The following GABBR2 variants were observed in gnomAD, a reference collection of about 807,000 sequenced individuals.
GABBR2 encodes the protein G-protein coupled receptor 51.
In GABBR2, 23 loss-of-function variants were observed where a neutral mutation model predicts 105.6. The ratio of observed to expected loss-of-function variants is 0.22; its 90% CI spans 0.16 to 0.31. The LOEUF (loss-of-function observed/expected upper bound fraction) is 0.31, where lower values mean the gene tolerates loss of function less well. Ranked by LOEUF, GABBR2 falls within the 10% of genes least tolerant of loss-of-function variation. The probability of loss-of-function intolerance (pLI) is 1.00; values close to 1 mark genes in which losing one functional copy is unlikely to be tolerated. For synonymous variants in GABBR2, 478 were observed against 499.7 expected, an observed-to-expected ratio of 0.96 and a Z score of 0.58; for missense variants, 734 against 1,245.5, an observed-to-expected ratio of 0.59 and a Z score of 6.18.
In GABBR2 at chr9:98,708,708, G is replaced by T; in HGVS notation, c.30C>A (p.Pro10=). ...GCGGTGGCGGCGGCGGCGGCGGCCC[G>T]GGCTGCCCGGAGCTCCGCGGGGAAG... The part of the protein sequence containing the change: MASPRSSGQ[P]GPPPPPPPPP... The change falls in exon 1 of 19, where the codon CCC becomes CCA. Residue 10 remains proline, a synonymous_variant. Coordinates refer to ENST00000259455, the MANE Select transcript of GABBR2 (RefSeq NM_005458.8). 1.0e-6 allele frequency: 1 copy of T among 997,816 alleles called. No individual in the cohort carries two copies. The allele number at this position is 997,816 out of a possible 1,614,324, so 61.8% of individuals were successfully genotyped here. A position where few individuals can be genotyped will look rare whatever the true frequency, so the allele number is the denominator to read the frequency against.
At chr9:98,474,962 T>G (rs1455913458) in intron 5 of GABBR2, among the ~76,000 whole-genome samples, 1 of 152,036 alleles carries the variant, frequency 6.6e-6, no homozygotes, top group Non-Finnish European at 1.5e-5. Context: ...AGTTAAAAGA[T>G]TTGTTCCTTG....
intron 13 of GABBR2, among the ~76,000 whole-genome samples, chr9:98,348,641 T>C (rs1268563513): frequency 3.1e-4 from 47 of 152,310 alleles, no homozygotes. Flanking sequence ...ATTGTAGAGG[T>C]CTTTCACTTC....
rs181096056 is a variant in GABBR2, at chr9:98,330,163, A to G, written c.1894-18958T>C. 1.4e-3 allele frequency among the ~76,000 whole-genome samples: 209 copies of G among 152,146 alleles called. 1 individual carries two copies. The highest frequency in any genetic ancestry group is 7.4e-4 in the Non-Finnish European group (50 of 68,004). The stretch of plus-strand genomic sequence containing the variant: ...ATCGGCAAGCTGCCAGACCCAACCA[A>G]TTCTTGAACTCTTCTCCAGATACAC... On this transcript the variant is annotated intron_variant, in intron 13 of 18. Transcript: ENST00000259455.
intron 3 of GABBR2, among the ~76,000 whole-genome samples, chr9:98,534,598 A>G (rs1828133876): frequency 6.6e-6 from 1 of 152,236 alleles, no homozygotes; most frequent in South Asian, 2.1e-4. Flanking sequence ...TCAAGATGAA[A>G]AAAAGATGGC....
rs1554723458 is a variant in GABBR2 at position 98,648,116 on chromosome 9, T to TATAGATAGATAGATAG, written c.321+60285_321+60300dup. On this transcript the variant is annotated intron_variant, in intron 1 of 18. Coordinates refer to ENST00000259455, the MANE Select transcript of GABBR2 (RefSeq NM_005458.8). ...GTGTGTGTGTGTGTGTGTGTGTGTG[T>TATAGATAGATAGATAG]ATAGATAGATAGATAGATAGATAGA... Among the ~76,000 whole-genome samples, 533 of 55,926 alleles carry TATAGATAGATAGATAG rather than the reference T, an allele frequency of 9.5e-3. 12 individuals are homozygous for TATAGATAGATAGATAG. The highest frequency in any genetic ancestry group is 0.049 in the South Asian group (53 of 1,078). The allele number at this position is 55,926 out of a possible 152,430, so 36.7% of individuals were successfully genotyped here.
Position 98,306,066 on chromosome 9 carries a change from G to A in GABBR2, c.2229+55C>T. On this transcript the variant is annotated intron_variant, in intron 15 of 18. Transcript: ENST00000259455. The surrounding 1 kb of genome is among the most constrained non-coding windows in gnomAD (Gnocchi z 5.4). ...TAGAGAATGGAGAAAAGCCAGCAATGCCCCTGTGCTGGAGTCAGAGGGCAG... is the reference window on the plus strand; with the variant it reads ...TAGAGAATGGAGAAAAGCCAGCAATACCCCTGTGCTGGAGTCAGAGGGCAG... 1 of 1,164,178 alleles carries A rather than the reference G, an allele frequency of 8.6e-7. No homozygotes were observed. The highest frequency in any genetic ancestry group is 1.3e-6 in the Non-Finnish European group (1 of 782,214). The allele number at this position is 1,164,178 out of a possible 1,614,324, so 72.1% of individuals were successfully genotyped here.
intron 2 of GABBR2, among the ~76,000 whole-genome samples, chr9:98,557,129 G>A (rs1828599446): frequency 6.6e-6 from 1 of 152,112 alleles, no homozygotes; most frequent in Non-Finnish European, 1.5e-5. Flanking sequence ...TAGAAGATGA[G>A]GAGATGAGGG....
At chr9:98,339,785 C>G (rs578159867) in intron 13 of GABBR2, among the ~76,000 whole-genome samples, 1 of 152,260 alleles carries the variant, frequency 6.6e-6, no homozygotes, top group East Asian at 1.9e-4. Context: ...ACCCTCCCTC[C>G]CCCTGTATTC....
chr9:98,403,589 C>T (rs1343696009), intron 8 of GABBR2, among the ~76,000 whole-genome samples: 1 of 152,032 alleles, frequency 6.6e-6, no homozygotes, highest in Non-Finnish European at 1.5e-5. Flanking sequence ...TGTATCACCT[C>T]CTATACATCA....
At chr9:98,411,863 T>C (rs1261416302) in intron 7 of GABBR2, among the ~76,000 whole-genome samples, 2 of 152,198 alleles carry the variant, frequency 1.3e-5, no homozygotes, top group African/African-American at 4.8e-5. Context: ...TGTGAACCAC[T>C]GCACCCGGCT....
At chr9:98,668,883 T>TTGTGTGTGTGTGTG (rs35341252) in intron 1 of GABBR2, among the ~76,000 whole-genome samples, 1 of 147,610 alleles carries the variant, frequency 6.8e-6, no homozygotes, top group Non-Finnish European at 1.5e-5. Flanking sequence ...ATATTCCATT[T>TTGTGTGTGTGTGTG]TGTGTGTGTG....
chr9:98,306,220 G>C lies in GABBR2; in HGVS notation c.2130C>G (p.Ser710=), dbSNP rs944439939. ...CATTGGGCTGGTCCCGGGTCAGGAA[G>C]GAGACAGCGGCCCCGATGATGCACA... ...GIMCIIGAAV[S]FLTRDQPNVQ... The change falls in exon 15 of 19, where the codon TCC becomes TCG. Residue 710 remains serine, a synonymous_variant. Coordinates refer to ENST00000259455, the MANE Select transcript of GABBR2 (RefSeq NM_005458.8). The surrounding 1 kb of genome is among the most constrained non-coding windows in gnomAD (Gnocchi z 5.4). 5 of 1,614,074 alleles carry C rather than the reference G, an allele frequency of 3.1e-6. No individual in the cohort carries two copies. Among genetic ancestry groups the C allele is most frequent in the Non-Finnish European group, 4.2e-6 (5 of 1,180,032 alleles).
At chr9:98,633,273 A>T (rs796444153) in intron 1 of GABBR2, among the ~76,000 whole-genome samples, 81 of 152,154 alleles carry the variant, frequency 5.3e-4, no homozygotes, top group African/African-American at 1.8e-3. Flanking sequence ...CAGTCCAGGG[A>T]ATGGCAGCCA....
chr9:98,327,041 T>C (rs1481839545), intron 13 of GABBR2, among the ~76,000 whole-genome samples: 1 of 152,224 alleles, frequency 6.6e-6, no homozygotes, highest in Admixed American at 6.5e-5. Context: ...TGTGTTTCAA[T>C]ACCCTGTTGG....
chr9:98,397,420 T>A (rs556644427), intron 8 of GABBR2, among the ~76,000 whole-genome samples: 33 of 152,250 alleles, frequency 2.2e-4, no homozygotes, highest in African/African-American at 7.0e-4. Context: ...ATTTTTTTTT[T>A]AAATCACAAT....
chr9:98,334,597 G>T (rs1185532918), intron 13 of GABBR2, among the ~76,000 whole-genome samples: 1 of 146,316 alleles, frequency 6.8e-6, no homozygotes, highest in African/African-American at 2.5e-5. Context: ...GCTTGCATGT[G>T]AGTAGGGTAA....
intron 11 of GABBR2, among the ~76,000 whole-genome samples, chr9:98,374,493 T>C (rs1831837792): frequency 6.6e-6 from 1 of 152,192 alleles, no homozygotes; most frequent in African/African-American, 2.4e-5. Context: ...ATCCCCTCAA[T>C]GATAAGAGCA....
At chr9:98,571,610 G>C (rs1017212990) in intron 2 of GABBR2, among the ~76,000 whole-genome samples, 5 of 152,170 alleles carry the variant, frequency 3.3e-5, no homozygotes, top group African/African-American at 1.2e-4. Context: ...TGGAGCCCTA[G>C]AATTTGCACT....
intron 2 of GABBR2, among the ~76,000 whole-genome samples, chr9:98,576,849 A>ATC (rs764541134): frequency 5.9e-5 from 9 of 152,200 alleles, no homozygotes; most frequent in Non-Finnish European, 1.3e-4. Flanking sequence ...TCAGCATTGT[A>ATC]TCCCCAGTGT....
Sources: allele counts gnomAD v4.1 joint callset (sites outside exome capture counted in the v4.1 genomes callset), GRCh38; gene constraint gnomAD v4.1.1; non-coding constraint Gnocchi (gnomAD v3.1); transcripts MANE v1.5; gene names NCBI Gene and HGNC (gene_info 2026-07-23, HGNC 2026-07-21).